ZNF385B: variants seen among roughly 807,000 people sequenced by gnomAD.
ZNF385B encodes zinc finger protein 385B.
In ZNF385B, 23 loss-of-function variants were observed where a neutral mutation model predicts 39.2. That is an observed-to-expected ratio of 0.59 (90% confidence interval 0.42 to 0.83). The LOEUF (loss-of-function observed/expected upper bound fraction) is 0.83. Among genes scored for constraint, ZNF385B ranks in the 40% least tolerant of loss-of-function variants. The pLI is 0.00. For synonymous variants in ZNF385B, 205 were observed against 222.6 expected (o/e 0.92, Z 0.70); for missense variants, 552 against 598.9 (o/e 0.92, Z 0.82).
chr2:179,504,922 C>T (rs1029924547), intron 5 of ZNF385B, among the ~76,000 whole-genome samples: 3 of 152,024 alleles, frequency 2.0e-5, no homozygotes, highest in Non-Finnish European at 4.4e-5. Flanking sequence ...ATGATGCAAT[C>T]ACCTCCTACC....
chr2:179,680,356 A>G (rs1446874889), intron 3 of ZNF385B, among the ~76,000 whole-genome samples: 1 of 152,176 alleles, frequency 6.6e-6, no homozygotes, highest in Non-Finnish European at 1.5e-5. Flanking sequence ...GTTATACATA[A>G]CATCTCTAAA....
intron 1 of ZNF385B, among the ~76,000 whole-genome samples, chr2:179,818,061 T>C (rs1333754185): frequency 6.6e-6 from 1 of 152,054 alleles, no homozygotes; most frequent in Non-Finnish European, 1.5e-5. Context: ...TGTGTGTGTG[T>C]AGTATGTTGC....
At chr2:179,618,045 A>G (rs1463178431) in intron 3 of ZNF385B, among the ~76,000 whole-genome samples, 1 of 152,182 alleles carries the variant, frequency 6.6e-6, no homozygotes, top group African/African-American at 2.4e-5. Context: ...AAGAGGGAAC[A>G]AAAGAAACAT....
intron 3 of ZNF385B, among the ~76,000 whole-genome samples, chr2:179,627,073 A>C (rs537175017): frequency 6.6e-6 from 1 of 152,196 alleles, no homozygotes; most frequent in Non-Finnish European, 1.5e-5. Context: ...TACCTTTAAC[A>C]AATAGTTCTA....
chr2:179,657,389 T>C (rs1355587491), intron 3 of ZNF385B, among the ~76,000 whole-genome samples: 1 of 152,220 alleles, frequency 6.6e-6, no homozygotes, highest in African/African-American at 2.4e-5. Flanking sequence ...TATGTAACGT[T>C]CCAAAGAAAC....
intron 3 of ZNF385B, among the ~76,000 whole-genome samples, chr2:179,565,892 AT>A (rs1331388446): frequency 6.6e-6 from 1 of 152,190 alleles, no homozygotes; most frequent in Admixed American, 6.5e-5. Flanking sequence ...CCTGCAATGC[AT>A]TTTATTTACA....
intron 6 of ZNF385B, among the ~76,000 whole-genome samples, chr2:179,474,454 T>C (rs1276494296): frequency 6.6e-6 from 1 of 152,210 alleles, no homozygotes; most frequent in Non-Finnish European, 1.5e-5. Context: ...AAACCATGAT[T>C]ACTTTTGCAT....
intron 3 of ZNF385B, among the ~76,000 whole-genome samples, chr2:179,569,384 G>A (rs377679877): frequency 6.6e-5 from 10 of 152,174 alleles, no homozygotes; most frequent in African/African-American, 1.2e-4. Flanking sequence ...CCTGATTACC[G>A]CCAAATAAAG....
intron 1 of ZNF385B, among the ~76,000 whole-genome samples, chr2:179,801,661 A>G (rs924287531): frequency 6.6e-6 from 1 of 152,164 alleles, no homozygotes; most frequent in African/African-American, 2.4e-5. Flanking sequence ...CCTGCCATAT[A>G]AAAATTTGTA....
At position 179,565,670 on chromosome 2, in the gene ZNF385B, C is replaced by T. The variant is rs184266569; in HGVS notation, c.299-20701G>A. On this transcript the variant is annotated intron_variant, in intron 3 of 9. Coordinates refer to ENST00000410066, the MANE Select transcript of ZNF385B (RefSeq NM_152520.6). ...GGTTCTTGGACATACACACTTTATG[C>T]GTTCTATCACTTTTCTCATGCTGTC... Among the ~76,000 whole-genome samples the T allele has an allele frequency of 2.6e-5, 4 of 152,306 alleles. No homozygotes were observed. The East Asian group carries it at 5.8e-4, about 22-fold the overall frequency.
At chr2:179,755,256 T>G (rs1702937444) in intron 3 of ZNF385B, among the ~76,000 whole-genome samples, 1 of 152,228 alleles carries the variant, frequency 6.6e-6, no homozygotes, top group Non-Finnish European at 1.5e-5. Context: ...GTGAGTTTCT[T>G]AATCCTGAAT....
chr2:179,555,459 C>T (rs2060845318), intron 3 of ZNF385B, among the ~76,000 whole-genome samples: 1 of 149,264 alleles, frequency 6.7e-6, no homozygotes, highest in Admixed American at 6.7e-5. Flanking sequence ...CATTCAACTG[C>T]ACACTTATGT....
chr2:179,769,410 A>G, intron 3 of ZNF385B, 93 bp downstream of exon 3: 1 of 1,536,408 alleles, frequency 6.5e-7, no homozygotes. Flanking sequence ...CCCAGTTTTA[A>G]GGTAAAAATT....
At chr2:179,585,368 T>A (rs1230521186) in intron 3 of ZNF385B, among the ~76,000 whole-genome samples, 2 of 152,156 alleles carry the variant, frequency 1.3e-5, no homozygotes, top group Admixed American at 1.3e-4. Context: ...CACCAATGGA[T>A]TGTTTTTGCC....
At chr2:179,659,862 A>C (rs975707280) in intron 3 of ZNF385B, among the ~76,000 whole-genome samples, 1 of 152,216 alleles carries the variant, frequency 6.6e-6, no homozygotes. Context: ...AATACTGATC[A>C]TGACTGCTTC....
In ZNF385B at chr2:179,737,988, T is replaced by C. The variant is rs137922785; in HGVS notation, c.298+31515A>G. Among the ~76,000 whole-genome samples, 4 of 152,308 alleles carry C rather than the reference T, an allele frequency of 2.6e-5. No homozygotes were observed. The East Asian group carries it at 7.7e-4, about 29-fold the overall frequency. The stretch of plus-strand genomic sequence containing the variant: ...ACCTTTGAAATTTAACATGCTCATA[T>C]AATCATAGAGTCTGAAGTTAGAAGA... On this transcript the variant is annotated intron_variant, in intron 3 of 9. Coordinates refer to ENST00000410066, the MANE Select transcript of ZNF385B (RefSeq NM_152520.6).
At chr2:179,713,898 C>T (rs984916121) in intron 3 of ZNF385B, among the ~76,000 whole-genome samples, 8 of 152,194 alleles carry the variant, frequency 5.3e-5, no homozygotes, top group Non-Finnish European at 1.2e-4. Flanking sequence ...CCTATTTTTG[C>T]CCTATATAAG....
chr2:179,604,559 C>A (rs1180493138), intron 3 of ZNF385B, among the ~76,000 whole-genome samples: 2 of 151,828 alleles, frequency 1.3e-5, no homozygotes, highest in Non-Finnish European at 2.9e-5. Context: ...TTTTTTGAAT[C>A]CTGTTCATCA....
intron 3 of ZNF385B, among the ~76,000 whole-genome samples, chr2:179,710,299 G>T (rs1699910047): frequency 6.6e-6 from 1 of 152,142 alleles, no homozygotes; most frequent in South Asian, 2.1e-4. Flanking sequence ...TGGGACTCAA[G>T]GAAACCTCTA....
Sources: gnomAD v4.1 joint callset for allele counts (sites outside exome capture counted in the v4.1 genomes callset) on GRCh38, gnomAD v4.1.1 for gene constraint, MANE v1.5 for transcripts, NCBI Gene and HGNC (gene_info 2026-07-23, HGNC 2026-07-21) for gene names.